The following RCHY1 variants were observed in gnomAD, a reference collection of about 807,000 sequenced individuals.
RCHY1 encodes the protein ring finger and CHY zinc finger domain containing 1.
A neutral mutation model predicts 41.6 loss-of-function variants in RCHY1; 21 were observed. That is an observed-to-expected ratio of 0.51 (90% CI 0.36 to 0.73). The LOEUF (loss-of-function observed/expected upper bound fraction) is 0.73, where lower values mean the gene tolerates loss of function less well. Among genes scored for constraint, RCHY1 ranks in the 30% least tolerant of loss-of-function variants. The pLI, the probability that RCHY1 is intolerant of heterozygous loss-of-function variation, is 0.00. For missense variants in RCHY1, 265 were observed against 325.3 expected (o/e 0.81, Z 1.43); for synonymous variants, 79 against 102.9 (o/e 0.77, Z 1.41).
rs1254108584 is a variant in RCHY1 at position 75,479,158 on chromosome 4, T to C, written c.*3380A>G. On this transcript the variant is annotated 3_prime_UTR_variant, in exon 9 of 9. Transcript: ENST00000324439. ...TAAGTGGTTTTTTTACCACAAAAAA[T>C]GGTATGAGGCAATAAATTTATTACA... is the stretch of plus-strand genomic sequence containing the variant. 6.6e-6 allele frequency: 1 copy of C among 152,094 alleles called. No individual in the cohort carries two copies. The highest frequency in any genetic ancestry group is 2.1e-4 in the South Asian group (1 of 4,830). The allele number at this position is 152,094 out of a possible 1,614,324, so 9.4% of individuals were successfully genotyped here. A position where few individuals can be genotyped will look rare whatever the true frequency, so the allele number is the denominator to read the frequency against.
Position 75,487,772 on chromosome 4 carries a change from ATATATATTCATAATATATATATTC to A in RCHY1, c.657+2785_657+2808del, listed in dbSNP as rs1471592160. On this transcript the variant is annotated intron_variant, in intron 8 of 8. Coordinates refer to ENST00000324439, the MANE Select transcript of RCHY1 (RefSeq NM_015436.4). ...ATATATTCATAATATATATATTCATATATATATTCATAATATATATATTCATATATATATTCATAATATATATTC... is the reference window on the plus strand; with the variant it reads ...ATATATTCATAATATATATATTCATAATATATATATTCATAATATATATTC... Among the ~76,000 whole-genome samples the A allele has an allele frequency of 1.3e-3, 95 of 73,562 alleles. 2 individuals are homozygous for A. Among genetic ancestry groups the A allele is most frequent in the African/African-American group, 4.4e-3 (62 of 13,990 alleles). 48.3% of individuals were successfully genotyped at this position (73,562 alleles called of 152,430 possible).
At position 75,508,089 on chromosome 4, in the gene RCHY1, TAAAAAAACA is replaced by T. The variant is rs150260905; in HGVS notation, c.326+722_326+730del. On this transcript the variant is annotated intron_variant, in intron 3 of 8. Transcript: ENST00000324439. ...CCTTCCTTAAAAACAAACTATATTT[TAAAAAAACA>T]AAAAAAACAAAAAAAAAGCAAGAAA... Among the ~76,000 whole-genome samples the T allele has an allele frequency of 7.8e-3, 1,174 of 149,970 alleles. 17 individuals carry two copies. The highest frequency in any genetic ancestry group is 0.027 in the African/African-American group (1,111 of 40,860).
At chr4:75,484,710 C>T (rs1388756281) in intron 8 of RCHY1, among the ~76,000 whole-genome samples, 2 of 152,116 alleles carry the variant, frequency 1.3e-5, no homozygotes, top group Non-Finnish European at 2.9e-5. Context: ...AGAAGCAGCA[C>T]TTTTTAAACA....
At chr4:75,493,399 C>T (rs576238770) in intron 4 of RCHY1, among the ~76,000 whole-genome samples, 3 of 151,940 alleles carry the variant, frequency 2.0e-5, no homozygotes, top group South Asian at 4.1e-4. Context: ...TATATTCTAT[C>T]GAACCTACTA....
Position 75,491,724 on chromosome 4 carries a change from C to G in RCHY1, c.509G>C (p.Arg170Thr), listed in dbSNP as rs768630029. 6.2e-7 allele frequency: 1 copy of G among 1,611,898 alleles called. No individual in the cohort carries two copies. Among genetic ancestry groups the G allele is most frequent in the Non-Finnish European group, 8.5e-7 (1 of 1,178,570 alleles). The change falls in exon 6 of 9, where the codon AGA becomes ACA. Residue 170 changes from arginine (R) to threonine (T), a missense_variant and splice_region_variant. Transcript: ENST00000324439. ...HVLPCGHLLH[R>T]TCYEEMLKEG... Reference sequence around the variant, plus strand: ...CATTGAGAAAAAGATGTTACTTTACCTATGTAAAAGATGTCCACATGGCAA... The same window carrying G: ...CATTGAGAAAAAGATGTTACTTTACGTATGTAAAAGATGTCCACATGGCAA...
chr4:75,482,759 T>C, intron 8 of RCHY1, 93 bp from the exon 9 acceptor site: 1 of 826,272 alleles, frequency 1.2e-6, no homozygotes, highest in Non-Finnish European at 1.7e-6. Context: ...ATATTAAAGA[T>C]GTGAAAATAC....
intron 3 of RCHY1, among the ~76,000 whole-genome samples, chr4:75,505,594 G>T (rs185833524): frequency 1.3e-5 from 2 of 151,634 alleles, no homozygotes; most frequent in African/African-American, 4.9e-5. Context: ...ATGAATCTTA[G>T]AAACAGAGCT....
chr4:75,491,841 T>C, intron 5 of RCHY1, 48 bp downstream of exon 5: 1 of 1,602,930 alleles, frequency 6.2e-7, no homozygotes, highest in Non-Finnish European at 8.5e-7. Context: ...CCAAGTATTT[T>C]AAATTCAAGA....
At chr4:75,510,304 G>A (rs1019873827) in intron 1 of RCHY1, among the ~76,000 whole-genome samples, 12 of 152,084 alleles carry the variant, frequency 7.9e-5, no homozygotes, top group Admixed American at 6.6e-4. Context: ...TGCATCACTC[G>A]CCTTGGAATT....
At chr4:75,489,610 C>T (rs1247676141) in intron 8 of RCHY1, among the ~76,000 whole-genome samples, 6 of 152,062 alleles carry the variant, frequency 3.9e-5, no homozygotes, top group African/African-American at 1.2e-4. Flanking sequence ...TGACCCCTTA[C>T]GAAATAATCA....
In RCHY1 at chr4:75,484,093, CAATT is replaced by C. The variant is rs952928561; in HGVS notation, c.658-1431_658-1428del. 5.9e-5 allele frequency among the ~76,000 whole-genome samples: 9 copies of C among 152,278 alleles called. No individual in the cohort carries two copies. In the Middle Eastern group the frequency reaches 0.01, roughly 173 times the overall value. The stretch of plus-strand genomic sequence containing the variant: ...GCTGCCTGATTCACAAACTGTTTCT[CAATT>C]AAGTTCTGTTAAATTTAATTTGTGT... On this transcript the variant is annotated intron_variant, in intron 8 of 8. Coordinates refer to ENST00000324439, the MANE Select transcript of RCHY1 (RefSeq NM_015436.4).
upstream of RCHY1, chr4:75,514,617 G>A (rs533884442): frequency 4.1e-6 from 1 of 241,202 alleles, no homozygotes; most frequent in African/African-American, 2.2e-5. Flanking sequence ...GCGCGGAGAC[G>A]CTGGTTGGCC....
intron 3 of RCHY1, among the ~76,000 whole-genome samples, chr4:75,500,406 T>C (rs1398193257): frequency 6.6e-6 from 1 of 152,190 alleles, no homozygotes; most frequent in South Asian, 2.1e-4. Flanking sequence ...AGGATATATG[T>C]TCATTACCAA....
chr4:75,510,139 G>A (rs1321104449), intron 1 of RCHY1, among the ~76,000 whole-genome samples: 2 of 152,130 alleles, frequency 1.3e-5, no homozygotes, highest in African/African-American at 4.8e-5. Context: ...GGCAAAGACT[G>A]CCAGTTGTCC....
intron 3 of RCHY1, among the ~76,000 whole-genome samples, chr4:75,496,202 A>C (rs988095822): frequency 6.6e-6 from 1 of 152,160 alleles, no homozygotes. Flanking sequence ...TATATGAAAC[A>C]GCAGTTTCAC....
intron 8 of RCHY1, among the ~76,000 whole-genome samples, chr4:75,484,037 T>G (rs1422315456): frequency 6.6e-6 from 1 of 152,168 alleles, no homozygotes; most frequent in East Asian, 1.9e-4. Flanking sequence ...ATAAAGAAAG[T>G]CAAGACCCTC....
At chr4:75,504,463 T>C (rs1274778132) in intron 3 of RCHY1, among the ~76,000 whole-genome samples, 2 of 152,188 alleles carry the variant, frequency 1.3e-5, no homozygotes, top group Non-Finnish European at 2.9e-5. Flanking sequence ...ATTTTCTCCT[T>C]ATGATTGTCC....
chr4:75,498,481 C>CAAAAAAAAAAAAAAA (rs57789217), intron 3 of RCHY1, among the ~76,000 whole-genome samples: 2 of 68,784 alleles, frequency 2.9e-5, no homozygotes, highest in Non-Finnish European at 6.5e-5. Context: ...CAATCCTGAG[C>CAAAAAAAAAAAAAAA]AAAAAAAAAA....
At chr4:75,498,613 A>C (rs1412246843) in intron 3 of RCHY1, among the ~76,000 whole-genome samples, 1 of 152,164 alleles carries the variant, frequency 6.6e-6, no homozygotes, top group African/African-American at 2.4e-5. Flanking sequence ...TATGCAGAAC[A>C]GAGAATCCAC....
Sources: allele counts gnomAD v4.1 joint callset (sites outside exome capture counted in the v4.1 genomes callset), GRCh38; gene constraint gnomAD v4.1.1; transcripts MANE v1.5; gene names NCBI Gene and HGNC (gene_info 2026-07-23, HGNC 2026-07-21).